Variants in MYO18A observed in about 807,000 individuals in gnomAD.
MYO18A encodes the protein unconventional myosin-XVIIIa.
A neutral mutation model predicts 235.8 loss-of-function variants in MYO18A; 78 were observed. The ratio of observed to expected loss-of-function variants is 0.33; its 90% CI spans 0.28 to 0.40. The LOEUF (loss-of-function observed/expected upper bound fraction) is 0.40. Ranked by LOEUF, MYO18A falls within the 10% of genes least tolerant of loss-of-function variation. MYO18A has a pLI of 1.00. For synonymous variants in MYO18A, 977 were observed against 1,077.8 expected, an observed-to-expected ratio of 0.91 and a Z score of 1.83; for missense variants, 2,215 against 2,699.3, an observed-to-expected ratio of 0.82 and a Z score of 3.98.
chr17:29,093,220 C>G (rs891265815), intron 32 of MYO18A, 103 bp downstream of exon 32: 10 of 1,154,930 alleles, frequency 8.7e-6, no homozygotes, highest in Non-Finnish European at 2.5e-6. Context: ...AGCACCCCCA[C>G]CCCCGACAGC....
rs545652149 is a variant in MYO18A, at chr17:29,111,540, G to A, written c.2784C>T (p.Leu928=). The part of the protein sequence containing the change: ...LLHSSKPHHF[L]LGHSHGTNWV... Reference sequence around the variant, plus strand: ...AGTTGGTGCCATGGCTGTGGCCCAGGAGAAAGTGGTGTGGTTTGCTGCTGT... The same window carrying A: ...AGTTGGTGCCATGGCTGTGGCCCAGAAGAAAGTGGTGTGGTTTGCTGCTGT... The change falls in exon 17 of 42, where the codon CTC becomes CTT. Residue 928 remains leucine, a synonymous_variant. Coordinates refer to ENST00000527372, the MANE Select transcript of MYO18A (RefSeq NM_078471.4). This position sits in a 1 kb window ranked among gnomAD's most constrained non-coding sequence, Gnocchi z 5.1. 1.2e-5 allele frequency: 20 copies of A among 1,613,890 alleles called. 1 individual carries two copies. In the South Asian group the frequency reaches 1.9e-4, roughly 15 times the overall value.
At chr17:29,116,926 C>T (rs2067087047) in intron 10 of MYO18A, among the ~76,000 whole-genome samples, 1 of 152,014 alleles carries the variant, frequency 6.6e-6, no homozygotes, top group Admixed American at 6.6e-5. Context: ...GCCCGCCTGT[C>T]TGTCCTCCAC....
chr17:29,142,945 T>G (rs2067772012), intron 2 of MYO18A, among the ~76,000 whole-genome samples: 2 of 152,224 alleles, frequency 1.3e-5, no homozygotes, highest in Admixed American at 6.5e-5. Flanking sequence ...GTAGCTGGGA[T>G]TACAGGCAGG....
At chr17:29,082,880 T>C (rs624780) in intron 40 of MYO18A, among the ~76,000 whole-genome samples, 3 of 152,172 alleles carry the variant, frequency 2.0e-5, no homozygotes, top group African/African-American at 4.8e-5. Context: ...TCAATTTCCA[T>C]GCCTTTGTTA....
chr17:29,149,874 T>C (rs575628401), intron 2 of MYO18A, among the ~76,000 whole-genome samples: 1 of 152,350 alleles, frequency 6.6e-6, no homozygotes, highest in African/African-American at 2.4e-5. Flanking sequence ...CTGGGTCTCC[T>C]AAATGTACCA....
rs1012102644 is a variant in MYO18A, at chr17:29,175,964, C to T, written c.-82+4349G>A. 2.6e-5 allele frequency among the ~76,000 whole-genome samples: 4 copies of T among 152,048 alleles called. No homozygotes were observed. In the South Asian group the frequency reaches 8.3e-4, roughly 31 times the overall value. ...ATCCCAGCTGCTCGGGAGGCTGAGGCAGAGAATTGCTTGAACCCCGGAGGC... is the reference window on the plus strand; with the variant it reads ...ATCCCAGCTGCTCGGGAGGCTGAGGTAGAGAATTGCTTGAACCCCGGAGGC... On this transcript the variant is annotated intron_variant, in intron 1 of 41. Transcript: ENST00000527372.
chr17:29,121,213 T>G lies in MYO18A; in HGVS notation c.1372-2A>C. 1 of 1,602,092 alleles carries G rather than the reference T, an allele frequency of 6.2e-7. No individual in the cohort carries two copies. Among genetic ancestry groups the G allele is most frequent in the Non-Finnish European group, 8.5e-7 (1 of 1,174,454 alleles). ...ACAACCCTTGAACATGTGCATCACC[T>G]TGGGCAGGAGAGCAAGGGAGAGAAG... On this transcript the variant is annotated splice_acceptor_variant, in intron 5 of 41. Coordinates refer to ENST00000527372, the MANE Select transcript of MYO18A (RefSeq NM_078471.4). LOFTEE classifies it high-confidence loss of function. The surrounding 1 kb of genome is among the most constrained non-coding windows in gnomAD (Gnocchi z 4.2).
chr17:29,099,035 A>C, intron 22 of MYO18A, 66 bp from the exon 23 acceptor site: 1 of 1,593,574 alleles, frequency 6.3e-7, no homozygotes, highest in Non-Finnish European at 8.6e-7. Context: ...TCGGCCCAGG[A>C]TCCTCCCCAC....
At chr17:29,088,052 C>CTTTTT (rs1040172315) in intron 37 of MYO18A, among the ~76,000 whole-genome samples, 4 of 124,622 alleles carry the variant, frequency 3.2e-5, no homozygotes, top group Non-Finnish European at 3.4e-5. Flanking sequence ...AAAATAAATT[C>CTTTTT]TTTTTTTTTT....
rs1238121875 is a variant in MYO18A at position 29,126,949 on chromosome 17, CAA to C, written c.1000-4698_1000-4697del. Among the ~76,000 whole-genome samples, 1 of 152,194 alleles carries C rather than the reference CAA, an allele frequency of 6.6e-6. No individual in the cohort carries two copies. Among genetic ancestry groups the C allele is most frequent in the Non-Finnish European group, 1.5e-5 (1 of 68,026 alleles). On this transcript the variant is annotated intron_variant, in intron 2 of 41. Transcript: ENST00000527372. This position sits in a 1 kb window ranked among gnomAD's most constrained non-coding sequence, Gnocchi z 4.1. Reference sequence around the variant, plus strand: ...TCTGCCATCCAAGCACAGGGCTCCTCAAGAGTCCTGCTGCCAGATGGTCATGC... The same window carrying C: ...TCTGCCATCCAAGCACAGGGCTCCTCGAGTCCTGCTGCCAGATGGTCATGC...
chr17:29,126,956 C>A lies in MYO18A; in HGVS notation c.1000-4703G>T, dbSNP rs2067336351. Among the ~76,000 whole-genome samples the A allele has an allele frequency of 6.6e-6, 1 of 152,196 alleles. No homozygotes were observed. Among genetic ancestry groups the A allele is most frequent in the Non-Finnish European group, 1.5e-5 (1 of 68,030 alleles). ...TCCAAGCACAGGGCTCCTCAAGAGT[C>A]CTGCTGCCAGATGGTCATGCTGGCC... is the stretch of plus-strand genomic sequence containing the variant. On this transcript the variant is annotated intron_variant, in intron 2 of 41. Transcript: ENST00000527372. This position sits in a 1 kb window ranked among gnomAD's most constrained non-coding sequence, Gnocchi z 4.1.
At chr17:29,167,062 G>C (rs1228807634) in intron 1 of MYO18A, 41 bp from the exon 2 acceptor site, 2 of 1,376,064 alleles carry the variant, frequency 1.5e-6, no homozygotes, top group South Asian at 1.6e-5. Context: ...TATTCGAACA[G>C]AGCCTCATGT....
chr17:29,099,423 C>T (rs1449821978), intron 22 of MYO18A, among the ~76,000 whole-genome samples: 2 of 152,138 alleles, frequency 1.3e-5, no homozygotes. Context: ...CCCTGATTCC[C>T]CTACCCCTCA....
chr17:29,095,196 G>T, intron 28 of MYO18A, 137 bp from the exon 29 acceptor site: 1 of 1,298,444 alleles, frequency 7.7e-7, no homozygotes, highest in Non-Finnish European at 1.0e-6. Context: ...GGGGCCAGTT[G>T]TAAGGTAGCG....
intron 2 of MYO18A, chr17:29,127,923 A>T: frequency 1.0e-6 from 1 of 997,910 alleles, no homozygotes; most frequent in South Asian, 4.3e-5. Context: ...GGGCCGGTGG[A>T]GCCTGGGGTC....
At chr17:29,167,246 TAAGGCGGTAAAAGCCCAGATTCCAAA>T (rs900661776) in intron 1 of MYO18A, among the ~76,000 whole-genome samples, 31 of 152,328 alleles carry the variant, frequency 2.0e-4, no homozygotes, top group South Asian at 1.0e-3. Context: ...AAGGTTTAGA[TAAGGCGGTAAAAGCCCAGATTCCAAA>T]AAGGCGGTAA....
chr17:29,116,305 A>C, intron 11 of MYO18A, 139 bp downstream of exon 11: 1 of 933,762 alleles, frequency 1.1e-6, no homozygotes, highest in South Asian at 1.4e-5. Flanking sequence ...GGAGACCACA[A>C]ACACCCACTG....
At chr17:29,143,229 A>C (rs1434234271) in intron 2 of MYO18A, among the ~76,000 whole-genome samples, 1 of 152,168 alleles carries the variant, frequency 6.6e-6, no homozygotes, top group Non-Finnish European at 1.5e-5. Context: ...CAGCACATTC[A>C]TTTTCAATAC....
chr17:29,086,441 T>C lies in MYO18A; in HGVS notation c.5849A>G (p.Asn1950Ser). Residue 1950 changes from asparagine (N) to serine (S), a missense_variant, in exon 39 of 42, where the codon AAC (asparagine) becomes AGC (serine). Transcript: ENST00000527372. ...MESDENEDLI[N>S]SLQDMVTKYQ... ...TGCCCCAGAGGCCACTTCTCACCTG[T>C]TGATGAGGTCCTCATTCTCATCACT... The C allele has an allele frequency of 1.3e-6, 2 of 1,599,082 alleles. No homozygotes were observed. Among genetic ancestry groups the C allele is most frequent in the Non-Finnish European group, 1.7e-6 (2 of 1,172,646 alleles).
Sources: allele counts gnomAD v4.1 joint callset (sites outside exome capture counted in the v4.1 genomes callset), GRCh38; gene constraint gnomAD v4.1.1; non-coding constraint Gnocchi (gnomAD v3.1); transcripts MANE v1.5; gene names NCBI Gene and HGNC (gene_info 2026-07-23, HGNC 2026-07-21).